Variants in SLC29A4 observed in about 807,000 individuals in gnomAD.
The protein encoded by SLC29A4 is equilibrative nucleoside transporter 4.
SLC29A4 carries 36 observed loss-of-function variants against 43.9 expected under a neutral mutation model. The ratio of observed to expected loss-of-function variants is 0.82; its 90% CI spans 0.63 to 1.08. SLC29A4 has a LOEUF of 1.08. Ranked by LOEUF, SLC29A4 falls within the 50% of genes least tolerant of loss-of-function variation. The pLI is 0.00. For missense variants in SLC29A4, 869 were observed against 755.3 expected (o/e 1.15, Z -1.77); for synonymous variants, 491 against 338.0 (o/e 1.45, Z -4.97).
chr7:5,289,389 T>G (rs1785166746), intron 2 of SLC29A4, among the ~76,000 whole-genome samples: 1 of 151,584 alleles, frequency 6.6e-6, no homozygotes, highest in South Asian at 2.1e-4. Flanking sequence ...GGCGAGACTC[T>G]GAAAAAAAAG....
intron 9 of SLC29A4, among the ~76,000 whole-genome samples, chr7:5,299,892 A>G (rs190695045): frequency 1.3e-5 from 2 of 152,316 alleles, no homozygotes; most frequent in East Asian, 1.9e-4. Context: ...TGTCTACTGA[A>G]AATACAAAAA....
In SLC29A4 at chr7:5,289,703, C is replaced by G. The variant is rs751356085; in HGVS notation, c.170-1029C>G. Among the ~76,000 whole-genome samples the G allele has an allele frequency of 4.9e-4, 75 of 152,058 alleles. 1 individual carries two copies. Among genetic ancestry groups the G allele is most frequent in the Non-Finnish European group, 5.9e-4 (40 of 68,020 alleles). On this transcript the variant is annotated intron_variant, in intron 2 of 10. Transcript: ENST00000396872. ...CATAAACAGACCATCACGGTCCCCC[C>G]CTTGCCGGTGTGGCTCCCATAGACA... is the stretch of plus-strand genomic sequence containing the variant.
intron 10 of SLC29A4, among the ~76,000 whole-genome samples, chr7:5,301,850 T>G (rs7798650): frequency 0.027 from 4,152 of 152,084 alleles, 186 homozygotes; most frequent in African/African-American, 0.095. Context: ...GAGGCCTCGT[T>G]GGGAGGGGTT....
chr7:5,299,076 G>A lies in SLC29A4; in HGVS notation c.971G>A (p.Arg324His), dbSNP rs767375431. 38 of 1,610,740 alleles carry A rather than the reference G, an allele frequency of 2.4e-5. No homozygotes were observed. Among genetic ancestry groups the A allele is most frequent in the Middle Eastern group, 1.7e-4 (1 of 6,054 alleles). The change falls in exon 8 of 11, where the codon CGC (arginine) becomes CAC (histidine). Residue 324 changes from arginine to histidine, a missense_variant. Coordinates refer to ENST00000396872, the MANE Select transcript of SLC29A4 (RefSeq NM_153247.4). ...ACCGGCAGCGGCGGGGCCTACATGC[G>A]CTTTGATGTGCCGCGGCCAAGGGTC... ...EVTGSGGAYM[R>H]FDVPRPRVQR...
chr7:5,283,762 C>G (rs1006541612), intron 1 of SLC29A4, among the ~76,000 whole-genome samples: 22 of 152,208 alleles, frequency 1.4e-4, no homozygotes, highest in African/African-American at 5.3e-4. Flanking sequence ...CCCCGGTTAA[C>G]GGGGACCAGG....
chr7:5,292,031 C>A (rs1286874220), intron 5 of SLC29A4, among the ~76,000 whole-genome samples: 1 of 152,244 alleles, frequency 6.6e-6, no homozygotes, highest in East Asian at 1.9e-4. Flanking sequence ...CAGCGTGTAG[C>A]CACAGAGACT....
rs1355220872 is a variant in SLC29A4, at chr7:5,306,452, C to T, written c.*3513C>T. ...TGAAGTGATCCTCCCGCCTCGGCCT[C>T]CTAAAGTGCTGGGATTACAGGCACG... On this transcript the variant is annotated 3_prime_UTR_variant, in exon 11 of 11. Coordinates refer to ENST00000396872, the MANE Select transcript of SLC29A4 (RefSeq NM_153247.4). 1 of 152,086 alleles carries T rather than the reference C, an allele frequency of 6.6e-6. No individual in the cohort carries two copies. Among genetic ancestry groups the T allele is most frequent in the Non-Finnish European group, 1.5e-5 (1 of 68,040 alleles). 9.4% of individuals were successfully genotyped at this position (152,086 alleles called of 1,614,324 possible).
intron 5 of SLC29A4, among the ~76,000 whole-genome samples, chr7:5,293,932 C>T (rs1358549124): frequency 6.6e-6 from 1 of 151,996 alleles, no homozygotes; most frequent in Non-Finnish European, 1.5e-5. Flanking sequence ...TAGTGAAACC[C>T]CGTCTCTACT....
At chr7:5,300,693 G>A (rs752272089) in intron 10 of SLC29A4, 31 bp downstream of exon 10, 35 of 1,597,926 alleles carry the variant, frequency 2.2e-5, no homozygotes, top group African/African-American at 5.4e-5. Flanking sequence ...GGGTGGGGGC[G>A]TCCTCCCAGC....
intron 2 of SLC29A4, among the ~76,000 whole-genome samples, chr7:5,288,357 T>C (rs1785096163): frequency 7.8e-6 from 1 of 128,360 alleles, no homozygotes; most frequent in African/African-American, 3.1e-5. Flanking sequence ...CCGGCTGGAG[T>C]GCACTGGTGC....
At chr7:5,300,739 G>T in intron 10 of SLC29A4, 77 bp downstream of exon 10, 1 of 1,551,140 alleles carries the variant, frequency 6.4e-7, no homozygotes, top group South Asian at 1.2e-5. Flanking sequence ...ACCCAGGCTA[G>T]ACCGCAGGAA....
At chr7:5,288,298 CTTTTT>C (rs34436127) in intron 2 of SLC29A4, among the ~76,000 whole-genome samples, 3 of 68,756 alleles carry the variant, frequency 4.4e-5, no homozygotes, top group East Asian at 3.8e-4. Context: ...CGTACAGCTT[CTTTTT>C]TTTTTTTTTT....
intron 4 of SLC29A4, 123 bp from the exon 5 acceptor site, chr7:5,291,570 C>T: frequency 7.5e-7 from 1 of 1,331,724 alleles, no homozygotes; most frequent in Admixed American, 2.3e-5. Context: ...TAAAGCATCC[C>T]TGGCCCTCCT....
chr7:5,290,706 G>A lies in SLC29A4; in HGVS notation c.170-26G>A, dbSNP rs370794151. ...TGTAGCCATGCGTGGAGCGTGCCCC[G>A]TCTCACCTGGTGTCTCTGGCTTTAG... On this transcript the variant is annotated intron_variant, in intron 2 of 10. Coordinates refer to ENST00000396872, the MANE Select transcript of SLC29A4 (RefSeq NM_153247.4). 4.5e-5 allele frequency: 72 copies of A among 1,593,062 alleles called. No individual in the cohort carries two copies. In the Admixed American group the frequency reaches 4.9e-4, roughly 11 times the overall value.
At chr7:5,290,622 G>A (rs996009360) in intron 2 of SLC29A4, 110 bp from the exon 3 acceptor site, 1 of 1,418,558 alleles carries the variant, frequency 7.0e-7, no homozygotes, top group Non-Finnish European at 9.6e-7. Context: ...GGGTCACGGT[G>A]ATGGACAGTG....
Position 5,299,233 on chromosome 7 carries a change from C to T in SLC29A4, c.1022-7C>T, listed in dbSNP as rs199993704. The T allele has an allele frequency of 1.2e-3, 1,937 of 1,608,094 alleles. 1 individual carries two copies. Among genetic ancestry groups the T allele is most frequent in the Non-Finnish European group, 1.4e-3 (1,694 of 1,176,752 alleles). ...GCTGCCTCTGACCCCCGCCCGCCAC[C>T]CTCCAGCCCTGTTACTGCACCGCTA... On this transcript the variant is annotated splice_polypyrimidine_tract_variant and splice_region_variant and intron_variant, in intron 8 of 10. Transcript: ENST00000396872.
chr7:5,296,741 C>T (rs1258667803), intron 6 of SLC29A4, among the ~76,000 whole-genome samples, 195 bp from the exon 7 acceptor site: 15 of 138,942 alleles, frequency 1.1e-4, no homozygotes, highest in African/African-American at 1.7e-4. Flanking sequence ...GTGGGCGGGG[C>T]CGGCGGTGAT....
At chr7:5,296,000 C>T (rs1562449478) in intron 6 of SLC29A4, among the ~76,000 whole-genome samples, 2 of 152,088 alleles carry the variant, frequency 1.3e-5, no homozygotes, top group South Asian at 4.1e-4. Flanking sequence ...CGCATGGTCA[C>T]GCGAAGAAAA....
intron 9 of SLC29A4, among the ~76,000 whole-genome samples, chr7:5,299,876 A>T (rs1786013160): frequency 6.6e-6 from 1 of 152,124 alleles, no homozygotes; most frequent in African/African-American, 2.4e-5. Context: ...ACATGGTGAA[A>T]CCCCGTGTCT....
Sources: allele counts gnomAD v4.1 joint callset (sites outside exome capture counted in the v4.1 genomes callset), GRCh38; gene constraint gnomAD v4.1.1; transcripts MANE v1.5; gene names NCBI Gene and HGNC (gene_info 2026-07-23, HGNC 2026-07-21).